The following PRG4 variants were observed in gnomAD, a reference collection of about 807,000 sequenced individuals.
The protein encoded by PRG4 is proteoglycan 4, also known as articular superficial zone protein.
A neutral mutation model predicts 91.2 loss-of-function variants in PRG4; 61 were observed. The observed-to-expected ratio is 0.67, with a 90% CI of 0.54 to 0.83. The LOEUF (loss-of-function observed/expected upper bound fraction) is 0.83. Ranked by LOEUF, PRG4 falls within the 40% of genes least tolerant of loss-of-function variation. PRG4 has a pLI of 0.00. For synonymous variants in PRG4, 576 were observed against 614.2 expected, an observed-to-expected ratio of 0.94 and a Z score of 0.92; for missense variants, 1,564 against 1,714.2, an observed-to-expected ratio of 0.91 and a Z score of 1.55.
At chr1:186,313,047 C>T in intron 12 of PRG4, 153 bp downstream of exon 12, 3 of 812,640 alleles carry the variant, frequency 3.7e-6, no homozygotes, top group Non-Finnish European at 5.9e-6. Flanking sequence ...AAGACTTTTG[C>T]TTTAATTTCA....
intron 2 of PRG4, among the ~76,000 whole-genome samples, chr1:186,297,693 T>C (rs1655947490): frequency 6.6e-6 from 1 of 152,200 alleles, no homozygotes; most frequent in African/African-American, 2.4e-5. Context: ...TTTTCTTTTC[T>C]TTTCCTTTTG....
Position 186,307,668 on chromosome 1 carries a change from C to T in PRG4, c.1949C>T (p.Pro650Leu), listed in dbSNP as rs1416113558. The change falls in exon 7 of 13, where the codon CCC becomes CTC. Residue 650 changes from proline (P) to leucine (L), a missense_variant. By Grantham distance (98) the Pro-to-Leu change is moderately conservative. Transcript: ENST00000445192. ...PAPTTPEELA[P>L]TTPEEPTPTT... ...CCCACCACCCCTGAGGAGCTCGCAC[C>T]CACCACCCCTGAGGAGCCCACACCC... 6.2e-7 allele frequency: 1 copy of T among 1,606,288 alleles called. No individual in the cohort carries two copies. Among genetic ancestry groups the T allele is most frequent in the Non-Finnish European group, 8.5e-7 (1 of 1,177,756 alleles).
intron 11 of PRG4, 62 bp downstream of exon 11, chr1:186,312,434 T>C: frequency 7.0e-7 from 1 of 1,436,332 alleles, no homozygotes; most frequent in Non-Finnish European, 9.5e-7. Flanking sequence ...CAGTTTCTTA[T>C]ACAGTAAGGC....
chr1:186,302,315 C>T (rs991981017), intron 4 of PRG4, among the ~76,000 whole-genome samples: 1 of 152,162 alleles, frequency 6.6e-6, no homozygotes, highest in Non-Finnish European at 1.5e-5. Context: ...AAGGGATATT[C>T]CCATCTTAAA....
intron 10 of PRG4, chr1:186,311,931 G>GTCAC: frequency 1.9e-6 from 1 of 539,240 alleles, no homozygotes; most frequent in East Asian, 3.2e-5. Flanking sequence ...CTGAGCACTT[G>GTCAC]TCACTTTCAA....
intron 7 of PRG4, 121 bp downstream of exon 7, chr1:186,309,261 G>A: frequency 1.8e-6 from 2 of 1,084,100 alleles, no homozygotes; most frequent in Non-Finnish European, 2.7e-6. Flanking sequence ...TTGTTAGCTT[G>A]TGAAGTTTTA....
intron 2 of PRG4, among the ~76,000 whole-genome samples, chr1:186,297,181 T>C (rs1450927460): frequency 6.6e-6 from 1 of 152,238 alleles, no homozygotes; most frequent in Non-Finnish European, 1.5e-5. Context: ...ATTTTGGTAC[T>C]TGTTATTTCT....
At chr1:186,312,567 A>G in intron 11 of PRG4, 195 bp downstream of exon 11, 1 of 782,224 alleles carries the variant, frequency 1.3e-6, no homozygotes, top group South Asian at 1.8e-5. Flanking sequence ...GGGTAAGTAA[A>G]GCAGTTTGTT....
rs761021750 is a variant in PRG4, at chr1:186,308,780, C to T, written c.3061C>T (p.Pro1021Ser). The change falls in exon 7 of 13, where the codon CCT becomes TCT. Residue 1021 changes from proline (P) to serine (S), a missense_variant. By Grantham distance (74) the Pro-to-Ser change is moderately conservative (BLOSUM62 -1). Transcript: ENST00000445192. ...TAATTCTAAAGCGACAACTCCTAAA[C>T]CTCAAAAGCCAACCAAAGCACCCAA... ...ATNSKATTPKPQKPTKAPKKP... is the reference protein window; with the variant it reads ...ATNSKATTPKSQKPTKAPKKP... 1.9e-6 allele frequency: 3 copies of T among 1,613,864 alleles called. No individual in the cohort carries two copies. Among genetic ancestry groups the T allele is most frequent in the Admixed American group, 3.3e-5 (2 of 60,016 alleles).
chr1:186,300,067 T>G (rs1254375310), intron 2 of PRG4, 24 bp from the exon 3 acceptor site: 2 of 1,613,788 alleles, frequency 1.2e-6, no homozygotes, highest in South Asian at 2.2e-5. Flanking sequence ...TGGCCATATT[T>G]ACGCCAGTAT....
chr1:186,313,446 G>C lies in PRG4; in HGVS notation c.4118-235G>C. On this transcript the variant is annotated intron_variant, in intron 12 of 12. Transcript: ENST00000445192. Reference sequence around the variant, plus strand: ...TCTTTAATGTTTACTTCATAAAGGAGAGCTGAACCTGATTTTACAAAAAGA... The same window carrying C: ...TCTTTAATGTTTACTTCATAAAGGACAGCTGAACCTGATTTTACAAAAAGA... The C allele has an allele frequency of 1.6e-5, 8 of 485,324 alleles. 1 individual carries two copies. The highest frequency in any genetic ancestry group is 5.1e-5 in the South Asian group (2 of 39,102). 30.1% of individuals were successfully genotyped at this position (485,324 alleles called of 1,614,324 possible).
At chr1:186,305,427 C>T (rs1028595104) in intron 6 of PRG4, among the ~76,000 whole-genome samples, 2 of 152,176 alleles carry the variant, frequency 1.3e-5, no homozygotes, top group Non-Finnish European at 2.9e-5. Context: ...ATCTGGCTGA[C>T]TTTTCCTCTA....
intron 8 of PRG4, among the ~76,000 whole-genome samples, chr1:186,310,567 C>T (rs973867497): frequency 2.0e-5 from 3 of 152,022 alleles, no homozygotes; most frequent in Non-Finnish European, 2.9e-5. Flanking sequence ...AATGCAGGCT[C>T]GATCTCCTGG....
In PRG4 at chr1:186,307,009, C is replaced by G. The variant is rs765893055; in HGVS notation, c.1290C>G (p.Thr430=). The change falls in exon 7 of 13, where the codon ACC becomes ACG. Residue 430 remains threonine (T), a synonymous_variant. Transcript: ENST00000445192. ...PAPTTTKSAP[T]TPKEPAPTTP... Reference sequence around the variant, plus strand: ...CCACCACCACCAAGTCTGCACCCACCACTCCCAAGGAGCCTGCACCCACCA... The same window carrying G: ...CCACCACCACCAAGTCTGCACCCACGACTCCCAAGGAGCCTGCACCCACCA... The G allele has an allele frequency of 5.6e-6, 9 of 1,598,726 alleles. No homozygotes were observed. The highest frequency in any genetic ancestry group is 7.7e-6 in the Non-Finnish European group (9 of 1,175,112).
intron 12 of PRG4, chr1:186,313,144 C>T: frequency 2.0e-6 from 1 of 508,488 alleles, no homozygotes; most frequent in Non-Finnish European, 3.6e-6. Flanking sequence ...AAACTTGCTA[C>T]TGACAATAGT....
chr1:186,312,115 C>A, intron 10 of PRG4, 60 bp from the exon 11 acceptor site: 1 of 1,506,482 alleles, frequency 6.6e-7, no homozygotes. Flanking sequence ...TGTTTTCCAC[C>A]TTTTCTGAGG....
chr1:186,308,756 A>G lies in PRG4; in HGVS notation c.3037A>G (p.Asn1013Asp). 1.2e-6 allele frequency: 2 copies of G among 1,613,960 alleles called. No homozygotes were observed. Among genetic ancestry groups the G allele is most frequent in the South Asian group, 2.2e-5 (2 of 91,074 alleles). Residue 1013 changes from asparagine to aspartate, a missense_variant, in exon 7 of 13, where the codon AAT (asparagine) becomes GAT (aspartate). Around this residue, in one of 3 missense-constraint regions of PRG4, gnomAD observed 1,079 missense variants for 1,162.2 expected, o/e 0.93. Coordinates refer to ENST00000445192, the MANE Select transcript of PRG4 (RefSeq NM_005807.6). The part of the protein sequence containing the change: ...ETAKPKDRAT[N>D]SKATTPKPQK... The stretch of plus-strand genomic sequence containing the variant: ...AGCTAAACCAAAAGACAGAGCTACT[A>G]ATTCTAAAGCGACAACTCCTAAACC...
chr1:186,311,676 G>T, intron 10 of PRG4, 80 bp downstream of exon 10: 1 of 1,403,784 alleles, frequency 7.1e-7, no homozygotes, highest in South Asian at 1.2e-5. Context: ...TGACTTTACT[G>T]TCAAAAGATA....
intron 2 of PRG4, 145 bp from the exon 3 acceptor site, chr1:186,299,946 C>A: frequency 3.4e-6 from 3 of 888,752 alleles, no homozygotes; most frequent in South Asian, 1.4e-5. Flanking sequence ...AGCCAAATAT[C>A]AGCTGGGCCT....
Sources: gnomAD v4.1 joint callset for allele counts (sites outside exome capture counted in the v4.1 genomes callset) on GRCh38, gnomAD v4.1.1 for gene constraint, gnomAD v4.1.1 regional missense constraint, MANE v1.5 for transcripts, NCBI Gene and HGNC (gene_info 2026-07-23, HGNC 2026-07-21) for gene names.